UTRN: variants seen among roughly 807,000 people sequenced by gnomAD.
UTRN encodes the protein dystrophin-related protein 1.
Under a neutral mutation model 463.9 loss-of-function variants are expected in UTRN, and 283 were observed. The ratio of observed to expected loss-of-function variants is 0.61; its 90% CI spans 0.55 to 0.67. UTRN has a LOEUF of 0.67. Ranked by LOEUF, UTRN falls within the 30% of genes least tolerant of loss-of-function variation. The pLI, the probability that UTRN is intolerant of heterozygous loss-of-function variation, is 0.00. For synonymous variants in UTRN, 1,442 were observed against 1,431.5 expected, an observed-to-expected ratio of 1.01 and a Z score of -0.17; for missense variants, 3,922 against 4,084.3, an observed-to-expected ratio of 0.96 and a Z score of 1.08.
chr6:144,574,108 A>G (rs965398224), intron 50 of UTRN, among the ~76,000 whole-genome samples: 2 of 152,198 alleles, frequency 1.3e-5, no homozygotes, highest in African/African-American at 4.8e-5. Flanking sequence ...TCGTGTGGAC[A>G]CAATATTAAG....
At chr6:144,314,416 T>C (rs995375672) in intron 2 of UTRN, among the ~76,000 whole-genome samples, 1 of 152,238 alleles carries the variant, frequency 6.6e-6, no homozygotes, top group African/African-American at 2.4e-5. Flanking sequence ...GAGCTGTTGC[T>C]GTGCTCAGAC....
chr6:144,524,255 A>G (rs1469536583), intron 41 of UTRN, among the ~76,000 whole-genome samples: 2 of 152,186 alleles, frequency 1.3e-5, no homozygotes, highest in Non-Finnish European at 2.9e-5. Context: ...TTTTACATAC[A>G]TCTTTATCCA....
chr6:144,776,859 T>C (rs763998551), intron 60 of UTRN, among the ~76,000 whole-genome samples: 2 of 152,186 alleles, frequency 1.3e-5, no homozygotes, highest in Non-Finnish European at 2.9e-5. Flanking sequence ...TGCACCAACT[T>C]AATCCTTCTG....
At chr6:144,470,076 A>C (rs1202654969) in intron 23 of UTRN, among the ~76,000 whole-genome samples, 1 of 152,234 alleles carries the variant, frequency 6.6e-6, no homozygotes, top group African/African-American at 2.4e-5. Flanking sequence ...GTACAGAACA[A>C]AATGGAGTCT....
chr6:144,301,399 T>G (rs17073602), intron 2 of UTRN, among the ~76,000 whole-genome samples: 1 of 152,092 alleles, frequency 6.6e-6, no homozygotes, highest in African/African-American at 2.4e-5. Flanking sequence ...GCAGCCTTGT[T>G]GGGCATTTGG....
intron 49 of UTRN, among the ~76,000 whole-genome samples, chr6:144,556,367 G>T (rs995308546): frequency 6.7e-6 from 1 of 150,230 alleles, no homozygotes; most frequent in South Asian, 2.2e-4. Context: ...TGACTCCCAA[G>T]TAATAGTGAA....
At chr6:144,510,552 T>C (rs918076183) in intron 34 of UTRN, among the ~76,000 whole-genome samples, 1 of 152,216 alleles carries the variant, frequency 6.6e-6, no homozygotes, top group African/African-American at 2.4e-5. Flanking sequence ...TTTTTTTAAG[T>C]TGTGAGTTCT....
At chr6:144,307,386 T>C (rs75340059) in intron 2 of UTRN, among the ~76,000 whole-genome samples, 9,318 of 152,286 alleles carry the variant, frequency 0.061, 932 homozygotes, top group African/African-American at 0.21. Context: ...ACACTTGTGT[T>C]TCTGCATATT....
intron 2 of UTRN, among the ~76,000 whole-genome samples, chr6:144,378,376 C>T (rs1780638587): frequency 6.6e-6 from 1 of 152,222 alleles, no homozygotes; most frequent in East Asian, 1.9e-4. Flanking sequence ...GTTGACATTT[C>T]TTGCCCTCTT....
chr6:144,422,072 A>C, intron 4 of UTRN, 102 bp downstream of exon 4: 1 of 901,890 alleles, frequency 1.1e-6, no homozygotes, highest in Non-Finnish European at 1.6e-6. Flanking sequence ...ATTTTACTTT[A>C]CGTTCAAATG....
In UTRN at chr6:144,554,704, C is replaced by G; in HGVS notation, c.6945C>G (p.Asn2315Lys). 6.2e-7 allele frequency: 1 copy of G among 1,613,692 alleles called. No individual in the cohort carries two copies. Among genetic ancestry groups the G allele is most frequent in the Non-Finnish European group, 8.5e-7 (1 of 1,179,924 alleles). ...TACCCTCAGTGGAAAGGGTCAAGAA[C>G]CAGTGGGATGGCACCCAGCATGGCG... is the stretch of plus-strand genomic sequence containing the variant. ...AITEKLERVK[N>K]QWDGTQHGVE... Residue 2315 changes from asparagine (N) to lysine (K), a missense_variant, in exon 49 of 75, where the codon AAC becomes AAG. By Grantham distance (94) the Asn-to-Lys change is moderately conservative (BLOSUM62 0). Around this residue, in one of 3 missense-constraint regions of UTRN, gnomAD observed 1,309 missense variants for 1,452.6 expected, o/e 0.90. Transcript: ENST00000367545.
chr6:144,521,925 G>T (rs1444132160), intron 39 of UTRN, 55 bp from the exon 40 acceptor site: 27 of 1,069,072 alleles, frequency 2.5e-5, no homozygotes, highest in Non-Finnish European at 3.1e-5. Context: ...CATTGTGGGG[G>T]TATTTTAAGA....
At chr6:144,493,507 C>T (rs762486600) in intron 33 of UTRN, 51 bp downstream of exon 33, 122 of 1,545,078 alleles carry the variant, frequency 7.9e-5, no homozygotes, top group Admixed American at 4.3e-4. Flanking sequence ...CTCTCTCTCT[C>T]TCAATCTCTC....
chr6:144,596,363 G>C (rs554570734), intron 51 of UTRN, among the ~76,000 whole-genome samples: 26 of 152,068 alleles, frequency 1.7e-4, no homozygotes, highest in Non-Finnish European at 2.9e-5. Context: ...TTTCCTGTGG[G>C]TATTGAAATG....
chr6:144,845,574 A>G (rs1781942616), intron 73 of UTRN, among the ~76,000 whole-genome samples: 1 of 152,188 alleles, frequency 6.6e-6, no homozygotes, highest in Non-Finnish European at 1.5e-5. Context: ...TAAGGTTAAA[A>G]GTATTGGTTT....
intron 2 of UTRN, 80 bp from the exon 3 acceptor site, chr6:144,403,043 T>C: frequency 7.7e-7 from 1 of 1,291,966 alleles, no homozygotes; most frequent in South Asian, 1.2e-5. Flanking sequence ...CTCTCCAGGA[T>C]AGAGATAACC....
chr6:144,685,858 T>C (rs1782700034), intron 52 of UTRN, among the ~76,000 whole-genome samples: 1 of 152,206 alleles, frequency 6.6e-6, no homozygotes, highest in Admixed American at 6.5e-5. Flanking sequence ...GCTCTGTTGA[T>C]TATTTCTTTT....
chr6:144,721,939 C>A (rs1787224079), intron 53 of UTRN, among the ~76,000 whole-genome samples: 1 of 152,172 alleles, frequency 6.6e-6, no homozygotes, highest in South Asian at 2.1e-4. Context: ...TGGAGCATTT[C>A]AGATTTGGGA....
chr6:144,328,779 T>C (rs1357166607), intron 2 of UTRN, among the ~76,000 whole-genome samples: 1 of 151,994 alleles, frequency 6.6e-6, no homozygotes, highest in Non-Finnish European at 1.5e-5. Flanking sequence ...GGCAGTTTAG[T>C]GAAGCCAGAC....
Sources: allele counts gnomAD v4.1 joint callset (sites outside exome capture counted in the v4.1 genomes callset), GRCh38; gene constraint gnomAD v4.1.1; regional missense constraint gnomAD v4.1.1; transcripts MANE v1.5; gene names NCBI Gene and HGNC (gene_info 2026-07-23, HGNC 2026-07-21).